C6: variants seen among roughly 807,000 people sequenced by gnomAD.
C6 encodes the protein complement C6, also known as complement component C6.
Under a neutral mutation model 112.9 loss-of-function variants are expected in C6, and 101 were observed. The ratio of observed to expected loss-of-function variants is 0.89; its 90% confidence interval spans 0.76 to 1.06. The LOEUF (loss-of-function observed/expected upper bound fraction) is 1.06, where lower values mean the gene tolerates loss of function less well. Among genes scored for constraint, C6 ranks in the 50% least tolerant of loss-of-function variants. C6 has a pLI of 0.00. For missense variants in C6, 1,202 were observed against 1,104.6 expected (o/e 1.09, Z -1.25); for synonymous variants, 431 against 384.1 (o/e 1.12, Z -1.43).
intron 1 of C6, chr5:41,203,472 A>T: frequency 2.0e-6 from 1 of 498,002 alleles, no homozygotes; most frequent in Non-Finnish European, 3.7e-6. Context: ...CTCCAGTACT[A>T]GTAAGTTTCT....
chr5:41,240,992 C>T (rs115770553), intron 1 of C6, among the ~76,000 whole-genome samples: 60 of 152,264 alleles, frequency 3.9e-4, no homozygotes, highest in African/African-American at 1.4e-3. Flanking sequence ...GGGTGACTTA[C>T]AGGGCAAGAC....
At chr5:41,189,464 C>G (rs766430825) in intron 5 of C6, among the ~76,000 whole-genome samples, 16 of 151,934 alleles carry the variant, frequency 1.1e-4, no homozygotes, top group Non-Finnish European at 2.2e-4. Context: ...GAAGTATTAA[C>G]ATATGCTTTA....
intron 8 of C6, among the ~76,000 whole-genome samples, chr5:41,175,266 C>T (rs1748742935): frequency 6.6e-6 from 1 of 152,188 alleles, no homozygotes; most frequent in East Asian, 1.9e-4. Context: ...CTAGATCATC[C>T]TCACATCCAG....
chr5:41,178,232 A>G (rs896966236), intron 7 of C6, among the ~76,000 whole-genome samples: 1 of 152,126 alleles, frequency 6.6e-6, no homozygotes, highest in East Asian at 1.9e-4. Flanking sequence ...TGTGGTTTCC[A>G]TTTTGTAAAG....
Position 41,166,946 on chromosome 5 carries a change from T to G in C6, c.1292-5087A>C, listed in dbSNP as rs1356645927. Among the ~76,000 whole-genome samples the G allele has an allele frequency of 2.0e-5, 3 of 152,186 alleles. No individual in the cohort carries two copies. In the East Asian group the frequency reaches 5.8e-4, roughly 29 times the overall value. On this transcript the variant is annotated intron_variant, in intron 9 of 17. Transcript: ENST00000337836. ...CCCTTGTTGTTTAGTCTTAGTTTTA[T>G]ACAGTAAATGAATCCAGTTCTCATT... is the stretch of plus-strand genomic sequence containing the variant.
chr5:41,198,693 G>A (rs559035791), intron 4 of C6, among the ~76,000 whole-genome samples: 4 of 152,202 alleles, frequency 2.6e-5, no homozygotes, highest in East Asian at 3.9e-4. Context: ...TGCATCTCAA[G>A]GCTTCTCAAA....
At chr5:41,240,671 A>G (rs1740649238) in intron 1 of C6, among the ~76,000 whole-genome samples, 1 of 152,118 alleles carries the variant, frequency 6.6e-6, no homozygotes, top group Non-Finnish European at 1.5e-5. Context: ...GGGTGAGGCA[A>G]TCCTCAGGCT....
At chr5:41,160,480 A>C in intron 10 of C6, 113 bp from the exon 11 acceptor site, 1 of 817,490 alleles carries the variant, frequency 1.2e-6, no homozygotes, top group Non-Finnish European at 2.1e-6. Context: ...TACACTTCAA[A>C]GGGATTATTG....
At chr5:41,196,906 A>G (rs1006869984) in intron 4 of C6, among the ~76,000 whole-genome samples, 5 of 152,060 alleles carry the variant, frequency 3.3e-5, no homozygotes, top group Admixed American at 3.3e-4. Context: ...CTTATGTGCA[A>G]TGACAGATAT....
intron 3 of C6, among the ~76,000 whole-genome samples, chr5:41,201,290 A>C (rs918475153): frequency 6.6e-6 from 1 of 152,182 alleles, no homozygotes; most frequent in African/African-American, 2.4e-5. Flanking sequence ...CTCAGAAGGC[A>C]CAGGCAGTGG....
chr5:41,220,437 TC>T (rs1739093240), intron 1 of C6, among the ~76,000 whole-genome samples: 1 of 152,190 alleles, frequency 6.6e-6, no homozygotes, highest in Non-Finnish European at 1.5e-5. Context: ...CTTCCAGTAT[TC>T]CCTAGCTCCC....
chr5:41,155,178 T>A, intron 13 of C6, 74 bp from the exon 14 acceptor site: 2 of 1,358,288 alleles, frequency 1.5e-6, no homozygotes, highest in East Asian at 2.3e-5. Context: ...CTCACACTGA[T>A]CCTTTCTATC....
intron 1 of C6, among the ~76,000 whole-genome samples, chr5:41,253,220 A>G (rs1221732719): frequency 6.6e-6 from 1 of 152,176 alleles, no homozygotes; most frequent in African/African-American, 2.4e-5. Flanking sequence ...GCTGGTAGGA[A>G]TATAAACATC....
chr5:41,182,214 G>C (rs200456891), intron 6 of C6, among the ~76,000 whole-genome samples: 1 of 151,330 alleles, frequency 6.6e-6, no homozygotes, highest in African/African-American at 2.4e-5. Context: ...AAATATAAAT[G>C]GTATCTGTCA....
intron 9 of C6, among the ~76,000 whole-genome samples, chr5:41,170,035 T>G (rs1580101042): frequency 6.6e-6 from 1 of 152,178 alleles, no homozygotes; most frequent in East Asian, 1.9e-4. Flanking sequence ...TGTCTTGAAG[T>G]TGCATATTTG....
chr5:41,165,459 C>T (rs1197466544), intron 9 of C6, among the ~76,000 whole-genome samples: 1 of 152,050 alleles, frequency 6.6e-6, no homozygotes, highest in Non-Finnish European at 1.5e-5. Context: ...ATTTTTTCAT[C>T]ATTTGCATGA....
chr5:41,152,289 TAGAG>T (rs1210888055), intron 15 of C6, among the ~76,000 whole-genome samples: 1 of 150,228 alleles, frequency 6.7e-6, no homozygotes, highest in Admixed American at 6.6e-5. Flanking sequence ...GGGATGAAAA[TAGAG>T]GGAGTGACAC....
intron 5 of C6, among the ~76,000 whole-genome samples, chr5:41,186,651 T>C (rs376893882): frequency 1.3e-5 from 2 of 152,046 alleles, no homozygotes; most frequent in Admixed American, 6.6e-5. Flanking sequence ...GTAATAATAT[T>C]ATAGTTTTAC....
At chr5:41,191,790 G>A (rs1226684015) in intron 5 of C6, among the ~76,000 whole-genome samples, 1 of 143,132 alleles carries the variant, frequency 7.0e-6, no homozygotes, top group African/African-American at 2.7e-5. Context: ...TCATTTCTAG[G>A]GCCTTTTTTT....
Sources: gnomAD v4.1 joint callset for allele counts (sites outside exome capture counted in the v4.1 genomes callset) on GRCh38, gnomAD v4.1.1 for gene constraint, MANE v1.5 for transcripts, NCBI Gene and HGNC (gene_info 2026-07-23, HGNC 2026-07-21) for gene names.